The following TSPEAR variants were observed in gnomAD, a reference collection of about 807,000 sequenced individuals.
TSPEAR encodes the protein thrombospondin type laminin G domain and EAR repeats, also known as thrombospondin-type laminin G domain and EAR repeat-containing protein.
TSPEAR carries 69 observed loss-of-function variants against 71.6 expected under a neutral mutation model. The ratio of observed to expected loss-of-function variants is 0.96; its 90% CI spans 0.79 to 1.18. TSPEAR has a LOEUF of 1.18. Among genes scored for constraint, TSPEAR ranks in the 50% most tolerant of loss-of-function variants. The probability of loss-of-function intolerance (pLI) is 0.00; values close to 1 mark genes in which losing one functional copy is unlikely to be tolerated. For missense variants in TSPEAR, 971 were observed against 894.9 expected (o/e 1.09, Z -1.09); for synonymous variants, 402 against 387.2 (o/e 1.04, Z -0.45).
chr21:44,618,437 A>G (rs1555932963), intron 1 of TSPEAR, among the ~76,000 whole-genome samples: 1 of 152,246 alleles, frequency 6.6e-6, no homozygotes, highest in Non-Finnish European at 1.5e-5. Flanking sequence ...GGACTAATAC[A>G]CAAACAAACA....
intron 1 of TSPEAR, chr21:44,646,301 C>A: frequency 9.3e-7 from 1 of 1,079,632 alleles, no homozygotes; most frequent in Non-Finnish European, 1.3e-6. Context: ...CTGTAAACAC[C>A]AACAAGGAAG....
chr21:44,646,417 C>T (rs1555939700), intron 1 of TSPEAR: 1 of 1,575,758 alleles, frequency 6.3e-7, no homozygotes, highest in Non-Finnish European at 8.6e-7. Context: ...CACTCACACA[C>T]TCACTTACAC....
rs1477623889 is a variant in TSPEAR, at chr21:44,567,964, C to G, written c.124G>C (p.Asp42His). The stretch of plus-strand genomic sequence containing the variant: ...ATCCTGATCCCGCTTGTGGCGCCAT[C>G]AGAAGGGACCACTTCCGCCAGGATG... The part of the protein sequence containing the change: ...LDILAEVVPS[D>H]GATSGIRIVQ... The change falls in exon 2 of 12, where the codon GAT (aspartate) becomes CAT (histidine). Residue 42 changes from aspartate to histidine, a missense_variant. Coordinates refer to ENST00000323084, the MANE Select transcript of TSPEAR (RefSeq NM_144991.3). 1.3e-6 allele frequency: 2 copies of G among 1,563,930 alleles called. No homozygotes were observed. Among genetic ancestry groups the G allele is most frequent in the African/African-American group, 2.7e-5 (2 of 73,496 alleles).
chr21:44,680,760 T>C (rs935478131), intron 1 of TSPEAR, among the ~76,000 whole-genome samples: 21 of 152,180 alleles, frequency 1.4e-4, no homozygotes, highest in Non-Finnish European at 2.9e-4. Flanking sequence ...GAACCGAAGG[T>C]CATTAAAGAC....
chr21:44,685,376 G>A (rs1350203188), intron 1 of TSPEAR, among the ~76,000 whole-genome samples: 4 of 151,960 alleles, frequency 2.6e-5, no homozygotes, highest in Non-Finnish European at 5.9e-5. Flanking sequence ...CCTGCCCGCT[G>A]CTTCCCAAGT....
chr21:44,580,198 C>G, intron 1 of TSPEAR: 2 of 1,614,010 alleles, frequency 1.2e-6, no homozygotes, highest in Non-Finnish European at 1.7e-6. Context: ...AGCAGGACTG[C>G]TGGCAGGAGG....
At chr21:44,518,820 T>A (rs1268551977) in intron 9 of TSPEAR, 1 of 412,680 alleles carries the variant, frequency 2.4e-6, no homozygotes. Flanking sequence ...CATGCTCCAG[T>A]GTGCTGGGGC....
At chr21:44,709,010 G>T (rs1290784408) in intron 1 of TSPEAR, among the ~76,000 whole-genome samples, 3 of 152,210 alleles carry the variant, frequency 2.0e-5, no homozygotes, top group African/African-American at 7.2e-5. Flanking sequence ...CACCGCTGAC[G>T]GTTCCTGGGG....
intron 8 of TSPEAR, among the ~76,000 whole-genome samples, chr21:44,522,356 T>C (rs889982625): frequency 6.6e-6 from 1 of 152,178 alleles, no homozygotes; most frequent in South Asian, 2.1e-4. Flanking sequence ...CCCACCGCCC[T>C]TGGGACAGGT....
intron 1 of TSPEAR, among the ~76,000 whole-genome samples, chr21:44,568,768 C>A (rs2053742269): frequency 6.6e-6 from 1 of 152,172 alleles, no homozygotes; most frequent in African/African-American, 2.4e-5. Flanking sequence ...TGGCCCCAGC[C>A]TGGGTAAATG....
intron 11 of TSPEAR, among the ~76,000 whole-genome samples, chr21:44,503,139 C>T (rs1342151274): frequency 1.4e-5 from 2 of 140,752 alleles, no homozygotes; most frequent in African/African-American, 2.7e-5. Flanking sequence ...GGAAGCAAGG[C>T]TCTGGGAGGA....
At position 44,654,758 on chromosome 21, in the gene TSPEAR, C is replaced by G. The variant is rs1399255058; in HGVS notation, c.82+56675G>C. 9 of 608,728 alleles carry G rather than the reference C, an allele frequency of 1.5e-5. No individual in the cohort carries two copies. In the Admixed American group the frequency reaches 2.4e-4, roughly 16 times the overall value. 37.7% of individuals were successfully genotyped at this position (608,728 alleles called of 1,614,324 possible). A position where few individuals can be genotyped will look rare whatever the true frequency, so the allele number is the denominator to read the frequency against. ...TCGTGGGTGGTTTTTCCTCCTCTGCCCTGTCTGGTTGATCTTTCTGTGTTT... is the reference window on the plus strand; with the variant it reads ...TCGTGGGTGGTTTTTCCTCCTCTGCGCTGTCTGGTTGATCTTTCTGTGTTT... On this transcript the variant is annotated intron_variant, in intron 1 of 11. Transcript: ENST00000323084.
At chr21:44,569,275 T>TGTGAC (rs2053753365) in intron 1 of TSPEAR, among the ~76,000 whole-genome samples, 1 of 152,038 alleles carries the variant, frequency 6.6e-6, no homozygotes, top group Non-Finnish European at 1.5e-5. Flanking sequence ...CAGGGTGTGA[T>TGTGAC]GGGCACTTCT....
At chr21:44,533,201 C>T (rs1362362549) in intron 3 of TSPEAR, among the ~76,000 whole-genome samples, 1 of 152,204 alleles carries the variant, frequency 6.6e-6, no homozygotes, top group East Asian at 1.9e-4. Flanking sequence ...CATAAACGCT[C>T]CGCGGGAGAG....
intron 8 of TSPEAR, among the ~76,000 whole-genome samples, chr21:44,523,126 T>C (rs1555914486): frequency 3.6e-5 from 5 of 139,620 alleles, no homozygotes; most frequent in African/African-American, 1.0e-4. Flanking sequence ...AAGTAGTCAG[T>C]CAGCCAGTCA....
rs202088711 is a variant in TSPEAR, at chr21:44,647,058, G to A, written c.82+64375C>T. On this transcript the variant is annotated intron_variant, in intron 1 of 11. Coordinates refer to ENST00000323084, the MANE Select transcript of TSPEAR (RefSeq NM_144991.3). ...TCTGCTGCAAGACTGTCTACTGCAA[G>A]CCCATCTGCTGTGTGCCTGTCTGCT... The A allele has an allele frequency of 3.1e-5, 50 of 1,613,674 alleles. No homozygotes were observed. In the East Asian group the frequency reaches 4.7e-4, roughly 15 times the overall value.
intron 1 of TSPEAR, chr21:44,580,622 A>AGTGAGTGAGTGT (rs1292526511): frequency 6.4e-7 from 1 of 1,560,088 alleles, no homozygotes; most frequent in Non-Finnish European, 8.7e-7. Context: ...GGGAGGTGTG[A>AGTGAGTGAGTGT]GTGAGTGAGT....
At chr21:44,521,242 G>A (rs918190602) in intron 9 of TSPEAR, among the ~76,000 whole-genome samples, 10 of 152,188 alleles carry the variant, frequency 6.6e-5, no homozygotes, top group Non-Finnish European at 1.3e-4. Flanking sequence ...TGGGAGATGC[G>A]CCCCCACCTG....
chr21:44,601,371 C>T, intron 1 of TSPEAR: 1 of 1,613,622 alleles, frequency 6.2e-7, no homozygotes, highest in East Asian at 2.2e-5. Flanking sequence ...CCGGTTCATG[C>T]TGCCAGCCAG....
Sources: gnomAD v4.1 joint callset for allele counts (sites outside exome capture counted in the v4.1 genomes callset) on GRCh38, gnomAD v4.1.1 for gene constraint, MANE v1.5 for transcripts, NCBI Gene and HGNC (gene_info 2026-07-23, HGNC 2026-07-21) for gene names.